Variants in TMEM163 observed in about 807,000 individuals in gnomAD.
TMEM163 encodes the protein transmembrane protein 163.
TMEM163 carries 17 observed loss-of-function variants against 29.3 expected under a neutral mutation model. That is an observed-to-expected ratio of 0.58 (90% confidence interval 0.40 to 0.87). The LOEUF (loss-of-function observed/expected upper bound fraction) is 0.87, where lower values mean the gene tolerates loss of function less well. TMEM163 is among the 40% of genes least tolerant of loss of function. TMEM163 has a pLI of 0.00. For missense variants in TMEM163, 303 were observed against 381.5 expected (o/e 0.79, Z 1.71); for synonymous variants, 157 against 160.6 (o/e 0.98, Z 0.17).
At chr2:134,481,337 ATGTGT>A (rs1033337077) in intron 5 of TMEM163, among the ~76,000 whole-genome samples, 1 of 141,966 alleles carries the variant, frequency 7.0e-6, no homozygotes, top group Non-Finnish European at 1.5e-5. Context: ...CACAATTCCC[ATGTGT>A]TGTGGGACAG....
At chr2:134,496,820 C>T (rs1679574397) in intron 5 of TMEM163, among the ~76,000 whole-genome samples, 2 of 115,818 alleles carry the variant, frequency 1.7e-5, no homozygotes. Flanking sequence ...TTCCTTGTCC[C>T]TCCTCCTTTG....
intron 2 of TMEM163, among the ~76,000 whole-genome samples, chr2:134,704,014 G>A (rs1009147956): frequency 6.6e-6 from 1 of 151,876 alleles, no homozygotes; most frequent in Non-Finnish European, 1.5e-5. Flanking sequence ...GTCTAATCAC[G>A]CTATCTGTAT....
chr2:134,517,494 C>G (rs936827114), intron 4 of TMEM163, among the ~76,000 whole-genome samples: 27 of 152,294 alleles, frequency 1.8e-4, no homozygotes, highest in Admixed American at 8.5e-4. Context: ...CCGGAATTTT[C>G]TTTATCTGGG....
intron 2 of TMEM163, among the ~76,000 whole-genome samples, chr2:134,631,496 T>TG (rs137918294): frequency 0.014 from 2,169 of 152,052 alleles, 63 homozygotes; most frequent in African/African-American, 0.05. Flanking sequence ...AGACGTCCCC[T>TG]GGGGGGTACT....
At chr2:134,655,658 T>C (rs1683585292) in intron 2 of TMEM163, among the ~76,000 whole-genome samples, 1 of 140,940 alleles carries the variant, frequency 7.1e-6, no homozygotes, top group South Asian at 2.3e-4. Context: ...TCTGTTCTGT[T>C]TTTTCCCCAT....
chr2:134,594,455 C>A (rs1159756692), intron 2 of TMEM163, among the ~76,000 whole-genome samples: 1 of 149,908 alleles, frequency 6.7e-6, no homozygotes, highest in Non-Finnish European at 1.5e-5. Flanking sequence ...AATCCCATTT[C>A]AAAAAAAAAT....
At chr2:134,681,261 G>A (rs959132536) in intron 2 of TMEM163, among the ~76,000 whole-genome samples, 3 of 152,168 alleles carry the variant, frequency 2.0e-5, no homozygotes, top group African/African-American at 7.2e-5. Flanking sequence ...CCTCTCTCCA[G>A]TCTGACCTCC....
chr2:134,646,460 T>C (rs1286186796), intron 2 of TMEM163, among the ~76,000 whole-genome samples: 1 of 151,862 alleles, frequency 6.6e-6, no homozygotes, highest in Non-Finnish European at 1.5e-5. Context: ...TATTTATTTA[T>C]TTATTTAGAG....
chr2:134,492,935 A>T (rs1293101862), intron 5 of TMEM163, among the ~76,000 whole-genome samples: 2 of 152,224 alleles, frequency 1.3e-5, no homozygotes, highest in Non-Finnish European at 2.9e-5. Context: ...TTGTTTTCCA[A>T]AGCGGTTGTA....
chr2:134,637,644 G>A (rs1354880962), intron 2 of TMEM163, among the ~76,000 whole-genome samples: 1 of 152,162 alleles, frequency 6.6e-6, no homozygotes, highest in Non-Finnish European at 1.5e-5. Flanking sequence ...GGTAGGAGGT[G>A]CTCCTGATGA....
At chr2:134,493,740 C>G (rs1043496583) in intron 5 of TMEM163, among the ~76,000 whole-genome samples, 15 of 152,146 alleles carry the variant, frequency 9.9e-5, no homozygotes, top group African/African-American at 3.1e-4. Flanking sequence ...TTGTTTTCTT[C>G]TAGAAGTTGT....
intron 2 of TMEM163, among the ~76,000 whole-genome samples, chr2:134,709,583 T>C (rs1395541230): frequency 1.3e-5 from 2 of 152,250 alleles, no homozygotes; most frequent in Non-Finnish European, 2.9e-5. Flanking sequence ...ATTGATTACC[T>C]GGAAGCTTAT....
intron 4 of TMEM163, among the ~76,000 whole-genome samples, chr2:134,504,767 G>A (rs180899264): frequency 7.2e-5 from 11 of 152,314 alleles, no homozygotes; most frequent in Non-Finnish European, 1.3e-4. Flanking sequence ...AGGTGCTAAT[G>A]TGCTGCCTGT....
chr2:134,634,384 G>A (rs1683056924), intron 2 of TMEM163, among the ~76,000 whole-genome samples: 1 of 150,786 alleles, frequency 6.6e-6, no homozygotes. Context: ...TTCTCTCCAT[G>A]TAAGTTGTAG....
intron 2 of TMEM163, among the ~76,000 whole-genome samples, chr2:134,684,025 G>T (rs1234150579): frequency 1.3e-5 from 2 of 152,078 alleles, no homozygotes; most frequent in African/African-American, 4.8e-5. Flanking sequence ...CCATTTATTT[G>T]TGCTAAAATG....
chr2:134,541,136 G>A (rs1371463849), intron 4 of TMEM163, among the ~76,000 whole-genome samples: 1 of 152,210 alleles, frequency 6.6e-6, no homozygotes, highest in East Asian at 1.9e-4. Flanking sequence ...TTCCTTAGTT[G>A]CCTAGGTTCC....
At chr2:134,571,680 A>G (rs1381385040) in intron 2 of TMEM163, among the ~76,000 whole-genome samples, 1 of 152,212 alleles carries the variant, frequency 6.6e-6, no homozygotes, top group Non-Finnish European at 1.5e-5. Flanking sequence ...GCATGGAACA[A>G]AGTCTGGAGG....
chr2:134,666,839 C>A (rs1429198067), intron 2 of TMEM163, among the ~76,000 whole-genome samples: 1 of 152,152 alleles, frequency 6.6e-6, no homozygotes, highest in South Asian at 2.1e-4. Context: ...TGATGGCCAG[C>A]GTAGAGCAGG....
intron 2 of TMEM163, among the ~76,000 whole-genome samples, chr2:134,647,037 A>G (rs1683350195): frequency 6.6e-6 from 1 of 152,208 alleles, no homozygotes; most frequent in African/African-American, 2.4e-5. Context: ...TCCTAGCTTG[A>G]GAAGTAACAA....
Sources: allele counts gnomAD v4.1 joint callset (sites outside exome capture counted in the v4.1 genomes callset), GRCh38; gene constraint gnomAD v4.1.1; transcripts MANE v1.5; gene names NCBI Gene and HGNC (gene_info 2026-07-23, HGNC 2026-07-21).